Variants in IGSF9B observed in about 807,000 individuals in gnomAD.
The protein encoded by IGSF9B is immunoglobulin superfamily member 9B.
In IGSF9B, 48 loss-of-function variants were observed where a neutral mutation model predicts 143.7. The observed-to-expected ratio is 0.33, with a 90% CI of 0.26 to 0.42. IGSF9B has a LOEUF of 0.42. Among genes scored for constraint, IGSF9B ranks in the 20% least tolerant of loss-of-function variants. The pLI, the probability that IGSF9B is intolerant of heterozygous loss-of-function variation, is 1.00. For synonymous variants in IGSF9B, 903 were observed against 833.1 expected (o/e 1.08, Z -1.44); for missense variants, 1,706 against 1,980.0 (o/e 0.86, Z 2.63).
At position 133,925,948 on chromosome 11, in the gene IGSF9B, G is replaced by A. The variant is rs1429280982; in HGVS notation, c.1825C>T (p.Pro609Ser). Residue 609 changes from proline to serine, a missense_variant, in exon 14 of 20, where the codon CCA (proline) becomes TCA (serine). This residue lies in a region of IGSF9B where 267 missense variants were observed against 321.1 expected (regional missense o/e 0.83). Transcript: ENST00000533871. ...GGGGTGACCAGCACCAGGGGTTCTG[G>A]AGTTGTAATAGGGAATGCTGCGGCG... is the stretch of plus-strand genomic sequence containing the variant. ...VNTLAFPITT[P>S]EPLVLVTPPR... 6.2e-7 allele frequency: 1 copy of A among 1,603,602 alleles called. No homozygotes were observed. The highest frequency in any genetic ancestry group is 1.7e-5 in the Admixed American group (1 of 58,394).
chr11:133,919,120 G>GGGC (rs1555086490), intron 18 of IGSF9B: 20 of 349,250 alleles, frequency 5.7e-5, no homozygotes, highest in Non-Finnish European at 1.2e-4. Context: ...GAGGTATACG[G>GGGC]GGGGGGGGTG....
chr11:133,937,820 C>T lies in IGSF9B; in HGVS notation c.551G>A (p.Gly184Glu). 1 of 1,609,484 alleles carries T rather than the reference C, an allele frequency of 6.2e-7. No individual in the cohort carries two copies. Among genetic ancestry groups the T allele is most frequent in the Non-Finnish European group, 8.5e-7 (1 of 1,177,804 alleles). Reference sequence around the variant, plus strand: ...TAGAACCACACTCACCTGGTATTTCCCACTAGCACCGAGGAGCGTCCCCTC... The same window carrying T: ...TAGAACCACACTCACCTGGTATTTCTCACTAGCACCGAGGAGCGTCCCCTC... The part of the protein sequence containing the change: ...LKEGTLLGAS[G>E]KYQVSDGSLT... Residue 184 changes from glycine (G) to glutamate (E), a missense_variant, in exon 4 of 20, where the codon GGG becomes GAG. Physicochemically the swap from Gly to Glu is moderately conservative, Grantham distance 98. Coordinates refer to ENST00000533871, the MANE Select transcript of IGSF9B (RefSeq NM_001277285.4).
chr11:133,920,295 T>C lies in IGSF9B; in HGVS notation c.3430A>G (p.Ile1144Val). ...GGCTCGGGGTAAGGCAGCACAGGTA[T>C]GCCCATGCCTTGGCTTGTATGTCGC... ...QLRHTSQGMG[I>V]PVLPYPEPAE... Residue 1144 changes from isoleucine (I) to valine (V), a missense_variant, in exon 18 of 20, where the codon ATA becomes GTA. Ile to Val is a conservative substitution (Grantham distance 29). Around this residue, in one of 7 missense-constraint regions of IGSF9B, gnomAD observed 880 missense variants for 762.9 expected, o/e 1.15. Coordinates refer to ENST00000533871, the MANE Select transcript of IGSF9B (RefSeq NM_001277285.4). The C allele has an allele frequency of 6.4e-7, 1 of 1,553,404 alleles. No individual in the cohort carries two copies. The highest frequency in any genetic ancestry group is 8.7e-7 in the Non-Finnish European group (1 of 1,149,982).
Position 133,907,743 on chromosome 11 carries a change from C to T in IGSF9B, c.*1326G>A, listed in dbSNP as rs1282839618. On this transcript the variant is annotated 3_prime_UTR_variant, in exon 20 of 20. Transcript: ENST00000533871. ...ACCACCCCTCCCGCCTTCATTCCTACGCCTCAGCCACAGAATAGAACTGGG... is the reference window on the plus strand; with the variant it reads ...ACCACCCCTCCCGCCTTCATTCCTATGCCTCAGCCACAGAATAGAACTGGG... Among the ~76,000 whole-genome samples the T allele has an allele frequency of 2.6e-5, 4 of 152,220 alleles. No homozygotes were observed. Among genetic ancestry groups the T allele is most frequent in the East Asian group, 1.9e-4 (1 of 5,184 alleles).
intron 3 of IGSF9B, among the ~76,000 whole-genome samples, chr11:133,943,919 G>A (rs1487732909): frequency 6.6e-6 from 1 of 152,222 alleles, no homozygotes; most frequent in Non-Finnish European, 1.5e-5. Flanking sequence ...CCACCTTAAA[G>A]CCTCAGCCCT....
intron 14 of IGSF9B, 28 bp from the exon 15 acceptor site, chr11:133,924,932 A>T: frequency 6.2e-7 from 1 of 1,601,498 alleles, no homozygotes; most frequent in Non-Finnish European, 8.5e-7. Context: ...ATACCCAGTC[A>T]GCCGAGGGAC....
intron 1 of IGSF9B, among the ~76,000 whole-genome samples, chr11:133,954,352 G>A (rs1940214042): frequency 6.6e-6 from 1 of 152,098 alleles, no homozygotes; most frequent in Non-Finnish European, 1.5e-5. Context: ...GTGTCCCTGG[G>A]ATGCCAGGGA....
chr11:133,937,520 A>T (rs760638668), intron 4 of IGSF9B, 27 bp from the exon 5 acceptor site: 2 of 1,571,064 alleles, frequency 1.3e-6, no homozygotes, highest in Admixed American at 3.4e-5. Context: ...GAGGGAGCTC[A>T]GCACCCACGC....
intron 16 of IGSF9B, 144 bp from the exon 17 acceptor site, chr11:133,922,366 T>C: frequency 1.1e-6 from 1 of 947,946 alleles, no homozygotes; most frequent in South Asian, 1.6e-5. Context: ...CCTGCCTTCA[T>C]GCTAGCTTGG....
At chr11:133,927,156 G>A (rs1939643230) in intron 12 of IGSF9B, 65 bp from the exon 13 acceptor site, 1 of 1,324,096 alleles carries the variant, frequency 7.6e-7, no homozygotes, top group Non-Finnish European at 1.0e-6. Flanking sequence ...GAGAGAAGAG[G>A]GTGCATGCAG....
chr11:133,924,352 C>T (rs1184897165), intron 15 of IGSF9B, among the ~76,000 whole-genome samples: 3 of 152,100 alleles, frequency 2.0e-5, no homozygotes, highest in Non-Finnish European at 4.4e-5. Flanking sequence ...CCTTAAAAAT[C>T]TAGAGAGAGG....
At chr11:133,915,529 G>A (rs1939365112) in intron 18 of IGSF9B, among the ~76,000 whole-genome samples, 1 of 151,778 alleles carries the variant, frequency 6.6e-6, no homozygotes, top group African/African-American at 2.4e-5. Context: ...CTGGGCCACG[G>A]CACCCAGCCC....
rs985393058 is a variant in IGSF9B, at chr11:133,914,785, T to C, written c.3984-2778A>G. On this transcript the variant is annotated intron_variant, in intron 18 of 19. Transcript: ENST00000533871. ...GCAAAATGAGTCTATTTTTGGCACA[T>C]GGTACAGAAAAGACACATAGAATGT... is the stretch of plus-strand genomic sequence containing the variant. Among the ~76,000 whole-genome samples, 56 of 152,262 alleles carry C rather than the reference T, an allele frequency of 3.7e-4. 2 individuals are homozygous for C. The highest frequency in any genetic ancestry group is 2.9e-5 in the Non-Finnish European group (2 of 68,024).
At chr11:133,922,783 C>G in intron 15 of IGSF9B, 53 bp from the exon 16 acceptor site, 1 of 1,473,954 alleles carries the variant, frequency 6.8e-7, no homozygotes, top group Non-Finnish European at 9.1e-7. Context: ...GGGACCTCAC[C>G]TGCTCCGACC....
rs1452891579 is a variant in IGSF9B at position 133,944,226 on chromosome 11, T to C, written c.403A>G (p.Ile135Val). ...CCTGGAAGCCGTCACTCACCGTTGATGGTGAGGTGGACCCAGCTGCCATTG... is the reference window on the plus strand; with the variant it reads ...CCTGGAAGCCGTCACTCACCGTTGACGGTGAGGTGGACCCAGCTGCCATTG... ...FHNGSWVHLT[I>V]NAPPTFTETP... is the part of the protein sequence containing the mutation. The change falls in exon 3 of 20, where the codon ATC becomes GTC. Residue 135 changes from isoleucine to valine, a missense_variant. Around this residue, in one of 7 missense-constraint regions of IGSF9B, gnomAD observed 171 missense variants for 213.9 expected, o/e 0.80. Transcript: ENST00000533871. 1 of 1,603,690 alleles carries C rather than the reference T, an allele frequency of 6.2e-7. No individual in the cohort carries two copies. Among genetic ancestry groups the C allele is most frequent in the Non-Finnish European group, 8.5e-7 (1 of 1,174,022 alleles).
chr11:133,909,290 G>A lies in IGSF9B; in HGVS notation c.4106-13C>T. On this transcript the variant is annotated splice_polypyrimidine_tract_variant and intron_variant, in intron 19 of 19. Coordinates refer to ENST00000533871, the MANE Select transcript of IGSF9B (RefSeq NM_001277285.4). This position sits in a 1 kb window ranked among gnomAD's most constrained non-coding sequence, Gnocchi z 4.2. ...GAGGCAGAATCGTCTAGGAAGAAAG[G>A]AAGAGGGACGCAAAAGAGAAGCAAG... 1 of 1,530,694 alleles carries A rather than the reference G, an allele frequency of 6.5e-7. No individual in the cohort carries two copies. Among genetic ancestry groups the A allele is most frequent in the Non-Finnish European group, 8.8e-7 (1 of 1,142,118 alleles). The allele number at this position is 1,530,694 out of a possible 1,614,324, so 94.8% of individuals were successfully genotyped here.
At chr11:133,943,843 C>T (rs1939994992) in intron 3 of IGSF9B, among the ~76,000 whole-genome samples, 1 of 152,202 alleles carries the variant, frequency 6.6e-6, no homozygotes, top group Non-Finnish European at 1.5e-5. Context: ...CCCAGGAACT[C>T]CACCAGAATT....
At chr11:133,942,153 T>C (rs180732576) in intron 3 of IGSF9B, among the ~76,000 whole-genome samples, 2 of 152,306 alleles carry the variant, frequency 1.3e-5, no homozygotes, top group Non-Finnish European at 1.5e-5. Flanking sequence ...GACTTTGTTT[T>C]TTTTCCTCTC....
chr11:133,939,444 C>T (rs1449030717), intron 3 of IGSF9B, among the ~76,000 whole-genome samples: 1 of 152,240 alleles, frequency 6.6e-6, no homozygotes, highest in Non-Finnish European at 1.5e-5. Context: ...CCCCCTTTTG[C>T]GTAGGTCACC....
Sources: gnomAD v4.1 joint callset for allele counts (sites outside exome capture counted in the v4.1 genomes callset) on GRCh38, gnomAD v4.1.1 for gene constraint, gnomAD v4.1.1 regional missense constraint, Gnocchi (gnomAD v3.1) non-coding constraint, MANE v1.5 for transcripts, NCBI Gene and HGNC (gene_info 2026-07-23, HGNC 2026-07-21) for gene names.